The following ELMO1 variants were observed in gnomAD, a reference collection of about 807,000 sequenced individuals.
ELMO1 encodes engulfment and cell motility 1.
A neutral mutation model predicts 98.9 loss-of-function variants in ELMO1; 26 were observed. The observed-to-expected ratio is 0.26, with a 90% CI of 0.19 to 0.36. ELMO1 has a LOEUF of 0.36. Ranked by LOEUF, ELMO1 falls within the 10% of genes least tolerant of loss-of-function variation. The pLI, the probability that ELMO1 is intolerant of heterozygous loss-of-function variation, is 1.00. For synonymous variants in ELMO1, 346 were observed against 346.0 expected, an observed-to-expected ratio of 1.00 and a Z score of 0.00; for missense variants, 627 against 935.2, an observed-to-expected ratio of 0.67 and a Z score of 4.30.
intron 4 of ELMO1, among the ~76,000 whole-genome samples, chr7:37,310,974 CA>C (rs1259031835): frequency 4.7e-5 from 7 of 149,716 alleles, no homozygotes; most frequent in Admixed American, 2.0e-4. Flanking sequence ...TCCACCTAAA[CA>C]TACCCTTCAC....
chr7:37,414,463 A>G (rs2131508658), intron 1 of ELMO1, among the ~76,000 whole-genome samples: 1 of 152,338 alleles, frequency 6.6e-6, no homozygotes. Flanking sequence ...GTCACTGGCT[A>G]TGGTGGATAC....
intron 16 of ELMO1, among the ~76,000 whole-genome samples, chr7:36,987,861 G>A (rs1235435591): frequency 3.9e-5 from 6 of 152,018 alleles, no homozygotes; most frequent in East Asian, 1.9e-4. Context: ...AGGTTCAAGC[G>A]ATTCTCCTGC....
intron 16 of ELMO1, among the ~76,000 whole-genome samples, chr7:36,972,675 G>C (rs1036576212): frequency 3.3e-5 from 5 of 152,288 alleles, no homozygotes; most frequent in African/African-American, 1.2e-4. Flanking sequence ...GGGTCCATCT[G>C]ATGTCCTCAT....
intron 16 of ELMO1, among the ~76,000 whole-genome samples, chr7:36,952,964 CTTTTTTTTTTTTTTTT>C (rs70980904): frequency 1.2e-5 from 1 of 82,876 alleles, no homozygotes; most frequent in Non-Finnish European, 2.4e-5. Flanking sequence ...AGTCACTACT[CTTTTTTTTTTTTTTTT>C]TTTTTTTTTG....
intron 8 of ELMO1, among the ~76,000 whole-genome samples, chr7:37,229,603 G>A (rs764265616): frequency 1.2e-4 from 19 of 152,182 alleles, no homozygotes; most frequent in South Asian, 1.0e-3. Flanking sequence ...TTTCCTAGTC[G>A]ATTTTTGTTG....
At chr7:36,992,665 A>G (rs1330858326) in intron 16 of ELMO1, among the ~76,000 whole-genome samples, 1 of 152,198 alleles carries the variant, frequency 6.6e-6, no homozygotes, top group African/African-American at 2.4e-5. Context: ...GCTTCATCAC[A>G]TCCTCCTTGG....
chr7:37,097,407 A>C (rs1412175699), intron 14 of ELMO1, among the ~76,000 whole-genome samples: 1 of 151,778 alleles, frequency 6.6e-6, no homozygotes, highest in African/African-American at 2.4e-5. Flanking sequence ...TAAAATTACT[A>C]CTCTCTCTAC....
intron 16 of ELMO1, among the ~76,000 whole-genome samples, chr7:36,993,362 C>CA (rs1791994389): frequency 6.6e-6 from 1 of 152,220 alleles, no homozygotes; most frequent in Non-Finnish European, 1.5e-5. Flanking sequence ...AGCAACAACA[C>CA]ATAACCTCTC....
chr7:37,416,311 C>A (rs1804210456), intron 1 of ELMO1, among the ~76,000 whole-genome samples: 1 of 152,176 alleles, frequency 6.6e-6, no homozygotes, highest in African/African-American at 2.4e-5. Context: ...CAGGTTTTAA[C>A]CGTATGGAAA....
intron 1 of ELMO1, among the ~76,000 whole-genome samples, chr7:37,379,048 T>C (rs1802481740): frequency 1.2e-5 from 1 of 81,770 alleles, no homozygotes; most frequent in Non-Finnish European, 3.2e-5. Context: ...TTCTTCTTCT[T>C]TTTTTTTTTT....
chr7:37,284,019 A>G (rs1426677075), intron 4 of ELMO1, among the ~76,000 whole-genome samples: 1 of 151,968 alleles, frequency 6.6e-6, no homozygotes, highest in Admixed American at 6.5e-5. Flanking sequence ...TAGTGTGAGC[A>G]CTAGGGGAGT....
chr7:37,437,072 C>T (rs1805181875), intron 1 of ELMO1, among the ~76,000 whole-genome samples: 2 of 152,150 alleles, frequency 1.3e-5, no homozygotes, highest in Admixed American at 1.3e-4. Context: ...ATTTCCAAAG[C>T]ATGAATGGAC....
chr7:37,287,463 C>A (rs1438823372), intron 4 of ELMO1, among the ~76,000 whole-genome samples: 1 of 152,118 alleles, frequency 6.6e-6, no homozygotes, highest in Non-Finnish European at 1.5e-5. Context: ...GTTGTAAGGT[C>A]TAATAACTAC....
chr7:37,167,327 C>A (rs995310267), intron 13 of ELMO1, among the ~76,000 whole-genome samples: 40 of 152,116 alleles, frequency 2.6e-4, no homozygotes, highest in Admixed American at 1.2e-3. Context: ...TGAAGCATTT[C>A]GTCCATTTAC....
intron 13 of ELMO1, among the ~76,000 whole-genome samples, chr7:37,146,608 A>G (rs561401545): frequency 6.6e-6 from 1 of 152,266 alleles, no homozygotes; most frequent in South Asian, 2.1e-4. Context: ...GTAACCCCCA[A>G]CATGGACCAG....
chr7:37,267,561 T>C (rs1347289841), intron 5 of ELMO1, among the ~76,000 whole-genome samples: 1 of 152,240 alleles, frequency 6.6e-6, no homozygotes, highest in Non-Finnish European at 1.5e-5. Flanking sequence ...CTTAGGTGAA[T>C]ACCACTAGAT....
At chr7:37,070,893 A>C (rs1797233212) in intron 15 of ELMO1, among the ~76,000 whole-genome samples, 1 of 152,232 alleles carries the variant, frequency 6.6e-6, no homozygotes, top group Non-Finnish European at 1.5e-5. Context: ...GAATCAGTGC[A>C]TCATCCTAAC....
At chr7:37,158,600 T>G (rs1003465066) in intron 13 of ELMO1, among the ~76,000 whole-genome samples, 3 of 152,030 alleles carry the variant, frequency 2.0e-5, no homozygotes, top group Non-Finnish European at 1.5e-5. Flanking sequence ...AAAACCACAA[T>G]GAGATACCAT....
intron 15 of ELMO1, among the ~76,000 whole-genome samples, chr7:37,091,785 G>C (rs1784107439): frequency 1.3e-5 from 2 of 152,292 alleles, no homozygotes; most frequent in South Asian, 2.1e-4. Flanking sequence ...CACAATCATG[G>C]TGGAAGGCAA....
Sources: allele counts gnomAD v4.1 joint callset (sites outside exome capture counted in the v4.1 genomes callset), GRCh38; gene constraint gnomAD v4.1.1; transcripts MANE v1.5; gene names NCBI Gene and HGNC (gene_info 2026-07-23, HGNC 2026-07-21).